Variants in PIP4K2A observed in about 807,000 individuals in gnomAD.
The protein encoded by PIP4K2A is phosphatidylinositol 5-phosphate 4-kinase type-2 alpha.
In PIP4K2A, 14 loss-of-function variants were observed where a neutral mutation model predicts 42.9. The ratio of observed to expected loss-of-function variants is 0.33; its 90% CI spans 0.22 to 0.51. The LOEUF (loss-of-function observed/expected upper bound fraction) is 0.51, where lower values mean the gene tolerates loss of function less well. PIP4K2A is among the 20% of genes least tolerant of loss of function. PIP4K2A has a pLI of 0.97. For missense variants in PIP4K2A, 434 were observed against 519.8 expected, an observed-to-expected ratio of 0.83 and a Z score of 1.61; for synonymous variants, 192 against 192.2, an observed-to-expected ratio of 1.00 and a Z score of 0.01.
chr10:22,624,487 G>T (rs973571315), intron 1 of PIP4K2A, among the ~76,000 whole-genome samples: 1 of 152,160 alleles, frequency 6.6e-6, no homozygotes. Flanking sequence ...TCTGCTTCGG[G>T]TATTTGCTAA....
chr10:22,666,172 A>G (rs1483775057), intron 1 of PIP4K2A, among the ~76,000 whole-genome samples: 1 of 152,200 alleles, frequency 6.6e-6, no homozygotes, highest in Non-Finnish European at 1.5e-5. Context: ...TTGTTTCCCA[A>G]TAATGCTTTT....
At chr10:22,568,558 C>T (rs1836904269) in intron 5 of PIP4K2A, among the ~76,000 whole-genome samples, 1 of 152,126 alleles carries the variant, frequency 6.6e-6, no homozygotes, top group Non-Finnish European at 1.5e-5. Flanking sequence ...TGCAGAGGTA[C>T]AAAGTGGAGG....
intron 1 of PIP4K2A, among the ~76,000 whole-genome samples, chr10:22,697,317 C>A (rs1465123844): frequency 6.6e-6 from 1 of 152,212 alleles, no homozygotes; most frequent in East Asian, 1.9e-4. Context: ...GCACAAGTGA[C>A]CGGCATTATT....
In PIP4K2A at chr10:22,573,295, A is replaced by G. The variant is rs140031970; in HGVS notation, c.639+16T>C. The G allele has an allele frequency of 1.2e-6, 2 of 1,609,010 alleles. No homozygotes were observed. Among genetic ancestry groups the G allele is most frequent in the African/African-American group, 1.3e-5 (1 of 74,670 alleles). On this transcript the variant is annotated intron_variant, in intron 5 of 9. Transcript: ENST00000376573. ...AGCTTGAGTTACTTTACAAAAATTC[A>G]TAAAATCAGTCTCACCTTTAAGTCG...
At chr10:22,689,161 C>G (rs1475106291) in intron 1 of PIP4K2A, among the ~76,000 whole-genome samples, 1 of 152,110 alleles carries the variant, frequency 6.6e-6, no homozygotes, top group African/African-American at 2.4e-5. Context: ...CCTTCCTCCC[C>G]TCCTCACTCC....
rs896278044 is a variant in PIP4K2A, at chr10:22,537,300, A to G, written c.1141-19T>C. 7.0e-6 allele frequency: 11 copies of G among 1,563,576 alleles called. No individual in the cohort carries two copies. The highest frequency in any genetic ancestry group is 9.6e-6 in the Non-Finnish European group (11 of 1,146,126). ...CGCCAGCCTGGGCAGTTTTTAAAAA[A>G]GGAAATATTGACATAGTGTTTATGA... is the stretch of plus-strand genomic sequence containing the variant. On this transcript the variant is annotated intron_variant, in intron 9 of 9. Transcript: ENST00000376573.
chr10:22,628,925 C>A (rs1303055775), intron 1 of PIP4K2A, among the ~76,000 whole-genome samples: 2 of 152,162 alleles, frequency 1.3e-5, no homozygotes, highest in Admixed American at 1.3e-4. Context: ...TAGAATGAGG[C>A]ATGTCCAACC....
chr10:22,625,896 A>G (rs1838426022), intron 1 of PIP4K2A, among the ~76,000 whole-genome samples: 1 of 152,164 alleles, frequency 6.6e-6, no homozygotes, highest in African/African-American at 2.4e-5. Context: ...CTCAGGAGGG[A>G]GGGGAAATGG....
At chr10:22,688,829 A>G (rs188771214) in intron 1 of PIP4K2A, among the ~76,000 whole-genome samples, 3 of 152,156 alleles carry the variant, frequency 2.0e-5, no homozygotes, top group African/African-American at 7.2e-5. Flanking sequence ...TATCTGGTAC[A>G]ATTAGTGGTT....
At chr10:22,573,170 C>T in intron 5 of PIP4K2A, 141 bp downstream of exon 5, 3 of 703,092 alleles carry the variant, frequency 4.3e-6, no homozygotes, top group Admixed American at 2.7e-5. Context: ...TATTGCCTCA[C>T]AGGAAGGAAT....
At chr10:22,561,785 G>A (rs1391666031) in intron 6 of PIP4K2A, among the ~76,000 whole-genome samples, 1 of 151,686 alleles carries the variant, frequency 6.6e-6, no homozygotes, top group African/African-American at 2.4e-5. Flanking sequence ...GGGTGGTCTT[G>A]AACTCCCGAG....
intron 1 of PIP4K2A, among the ~76,000 whole-genome samples, chr10:22,630,627 C>T (rs1161504181): frequency 1.3e-5 from 2 of 152,284 alleles, no homozygotes; most frequent in African/African-American, 4.8e-5. Flanking sequence ...CAGCAGTGAC[C>T]CAACCGTTCT....
At chr10:22,598,073 G>A (rs894473416) in intron 3 of PIP4K2A, among the ~76,000 whole-genome samples, 7 of 152,162 alleles carry the variant, frequency 4.6e-5, no homozygotes, top group African/African-American at 1.7e-4. Flanking sequence ...ATTCAAAATT[G>A]GGGGCTGGGC....
At chr10:22,542,312 T>TGGCTGGATTTTACCAGCTAGCAA (rs6143823) in intron 7 of PIP4K2A, among the ~76,000 whole-genome samples, 1 of 151,634 alleles carries the variant, frequency 6.6e-6, no homozygotes, top group African/African-American at 2.4e-5. Flanking sequence ...TATCACAGGG[T>TGGCTGGATTTTACCAGCTAGCAA]GGCTGGATTT....
At position 22,535,354 on chromosome 10, in the gene PIP4K2A, C is replaced by A. The variant is rs941808566; in HGVS notation, c.*1847G>T. 6.6e-6 allele frequency: 1 copy of A among 152,212 alleles called. No individual in the cohort carries two copies. The highest frequency in any genetic ancestry group is 2.4e-5 in the African/African-American group (1 of 41,444). The allele number at this position is 152,212 out of a possible 1,614,324, so 9.4% of individuals were successfully genotyped here. A position where few individuals can be genotyped will look rare whatever the true frequency, so the allele number is the denominator to read the frequency against. ...TAAATACATAAAAGATGAATCTGTACACTACGTGACAGTGGTGTTAACACT... is the reference window on the plus strand; with the variant it reads ...TAAATACATAAAAGATGAATCTGTAAACTACGTGACAGTGGTGTTAACACT... On this transcript the variant is annotated 3_prime_UTR_variant, in exon 10 of 10. Transcript: ENST00000376573.
At chr10:22,669,911 C>A (rs1482839625) in intron 1 of PIP4K2A, among the ~76,000 whole-genome samples, 1 of 152,166 alleles carries the variant, frequency 6.6e-6, no homozygotes, top group African/African-American at 2.4e-5. Flanking sequence ...GAAAGCCAGG[C>A]TGGGCCAGCC....
intron 1 of PIP4K2A, among the ~76,000 whole-genome samples, chr10:22,700,598 C>G (rs976917089): frequency 1.3e-5 from 2 of 152,198 alleles, no homozygotes; most frequent in African/African-American, 4.8e-5. Flanking sequence ...GGGTGCCTGT[C>G]TCCCGCTAAT....
chr10:22,691,496 T>G (rs1051919218), intron 1 of PIP4K2A: 1 of 152,170 alleles, frequency 6.6e-6, no homozygotes, highest in Non-Finnish European at 1.5e-5. Flanking sequence ...TTTCCAGAAG[T>G]TCTTATAAAG....
intron 1 of PIP4K2A, among the ~76,000 whole-genome samples, chr10:22,706,904 A>T (rs1244668002): frequency 2.0e-5 from 3 of 152,192 alleles, no homozygotes; most frequent in Admixed American, 6.5e-5. Context: ...AACAACGATG[A>T]TGTTCTACTA....
Sources: gnomAD v4.1 joint callset for allele counts (sites outside exome capture counted in the v4.1 genomes callset) on GRCh38, gnomAD v4.1.1 for gene constraint, MANE v1.5 for transcripts, NCBI Gene and HGNC (gene_info 2026-07-23, HGNC 2026-07-21) for gene names.